Variants in IL1RAPL1 observed in about 807,000 individuals in gnomAD.
IL1RAPL1 encodes the protein interleukin 1 receptor accessory protein like 1, also known as interleukin-1 receptor accessory protein-like 1.
A neutral mutation model predicts 48.4 loss-of-function variants in IL1RAPL1; 3 were observed. The observed-to-expected ratio is 0.06, with a 90% CI of 0.03 to 0.16. The LOEUF (loss-of-function observed/expected upper bound fraction) is 0.16. IL1RAPL1 is among the 10% of genes least tolerant of loss of function. IL1RAPL1 has a pLI of 1.00. For synonymous variants in IL1RAPL1, 185 were observed against 187.7 expected (o/e 0.99, Z 0.12); for missense variants, 349 against 530.6 (o/e 0.66, Z 3.36).
At chrX:29,278,993 T>C (rs557568736) in intron 2 of IL1RAPL1, among the ~76,000 whole-genome samples, 2 of 112,562 alleles carry the variant, frequency 1.8e-5, no homozygotes, top group South Asian at 3.7e-4. Flanking sequence ...GAAACAATAA[T>C]ACAATATAGA....
At chrX:28,887,818 T>A (rs1050846345) in intron 2 of IL1RAPL1, among the ~76,000 whole-genome samples, 19 of 111,297 alleles carry the variant, frequency 1.7e-4, no homozygotes, top group African/African-American at 5.9e-4. Context: ...CATTATCAAA[T>A]GGTGGCCTAC....
chrX:28,639,169 C>A (rs1015385300), intron 1 of IL1RAPL1, among the ~76,000 whole-genome samples: 1 of 111,804 alleles, frequency 8.9e-6, no homozygotes, highest in Non-Finnish European at 1.9e-5. Context: ...AATCTTCTTC[C>A]CATTCTCCCT....
chrX:29,583,671 C>T (rs1017190023), intron 5 of IL1RAPL1, among the ~76,000 whole-genome samples: 1 of 80,040 alleles, frequency 1.2e-5, no homozygotes, highest in Non-Finnish European at 2.4e-5. Flanking sequence ...TCAATGCCAT[C>T]CCCATCAAGC....
At chrX:28,599,006 G>C (rs911313644) in intron 1 of IL1RAPL1, among the ~76,000 whole-genome samples, 1 of 109,415 alleles carries the variant, frequency 9.1e-6, no homozygotes, top group African/African-American at 3.3e-5. Context: ...TTGGGAGGCC[G>C]AGGCAAGGGA....
intron 2 of IL1RAPL1, among the ~76,000 whole-genome samples, chrX:28,930,559 T>A (rs1408529414): frequency 4.4e-5 from 5 of 112,608 alleles, no homozygotes; most frequent in African/African-American, 1.6e-4. Flanking sequence ...TTCTAAAAAA[T>A]TAACTTCTAA....
chrX:28,780,654 A>G (rs977846204), intron 1 of IL1RAPL1, among the ~76,000 whole-genome samples: 1 of 110,555 alleles, frequency 9.0e-6, no homozygotes, highest in African/African-American at 3.3e-5. Context: ...GCATAAATAC[A>G]TACATATTTT....
chrX:29,133,123 T>G (rs2147485683), intron 2 of IL1RAPL1, among the ~76,000 whole-genome samples: 1 of 111,680 alleles, frequency 9.0e-6, no homozygotes, highest in African/African-American at 3.3e-5. Context: ...GCCCAGGTAT[T>G]AGCAACCTCA....
At chrX:29,154,537 CAA>C (rs1172822799) in intron 2 of IL1RAPL1, among the ~76,000 whole-genome samples, 1 of 95,072 alleles carries the variant, frequency 1.1e-5, no homozygotes. Flanking sequence ...GAGACTGTCT[CAA>C]AAAAAAAAAA....
chrX:29,619,126 G>A (rs918822183), intron 5 of IL1RAPL1, among the ~76,000 whole-genome samples: 14 of 111,473 alleles, frequency 1.3e-4, no homozygotes, highest in African/African-American at 4.2e-4. Context: ...AGTGGTCTTC[G>A]TGGAAAAAAT....
At chrX:29,886,799 A>G (rs1191446506) in intron 6 of IL1RAPL1, among the ~76,000 whole-genome samples, 1 of 111,782 alleles carries the variant, frequency 8.9e-6, no homozygotes, top group Non-Finnish European at 1.9e-5. Flanking sequence ...GTTAATTTGA[A>G]AATTATAGTT....
At chrX:29,187,676 A>G (rs1290824701) in intron 2 of IL1RAPL1, among the ~76,000 whole-genome samples, 4 of 111,005 alleles carry the variant, frequency 3.6e-5, no homozygotes, top group African/African-American at 1.3e-4. Flanking sequence ...ACTTAAAAAA[A>G]TGTGAGCAAT....
chrX:29,653,827 G>A (rs1177593883), intron 5 of IL1RAPL1, among the ~76,000 whole-genome samples: 1 of 110,790 alleles, frequency 9.0e-6, no homozygotes, highest in Non-Finnish European at 1.9e-5. Context: ...ACAGAGAAAA[G>A]TAATGATGAT....
Position 29,955,858 on chromosome X carries a change from G to A in IL1RAPL1, c.*38G>A. On this transcript the variant is annotated 3_prime_UTR_variant, in exon 11 of 11. Transcript: ENST00000378993. ...GGACATCCCGTCCCTGGGAGGTTGA[G>A]TGGAATCTGCAGTCCAGTGCCTGGA... The A allele has an allele frequency of 9.3e-7, 1 of 1,073,995 alleles. No individual in the cohort carries two copies. The highest frequency in any genetic ancestry group is 1.3e-6 in the Non-Finnish European group (1 of 771,492). 88.5% of individuals were successfully genotyped at this position (1,073,995 alleles called of 1,213,427 possible).
At position 29,442,129 on chromosome X, in the gene IL1RAPL1, TGGAGGC is replaced by T. The variant is rs1188347349; in HGVS notation, c.703+42822_703+42827del. Among the ~76,000 whole-genome samples, 14 of 112,084 alleles carry T rather than the reference TGGAGGC, an allele frequency of 1.2e-4. No individual in the cohort carries two copies. In the East Asian group the frequency reaches 3.9e-3, roughly 31 times the overall value. On this transcript the variant is annotated intron_variant, in intron 5 of 10. Transcript: ENST00000378993. ...CAAGGCTAAGCAAAAAGAACAAATC[TGGAGGC>T]ATCACACTGCCTGATTTCAAACTAT...
At chrX:28,721,421 G>A (rs1230741282) in intron 1 of IL1RAPL1, among the ~76,000 whole-genome samples, 3 of 111,548 alleles carry the variant, frequency 2.7e-5, no homozygotes, top group South Asian at 3.8e-4. Flanking sequence ...CATATCCTTC[G>A]CCCACTTTTT....
At chrX:28,748,950 C>A (rs887061535) in intron 1 of IL1RAPL1, among the ~76,000 whole-genome samples, 1 of 111,488 alleles carries the variant, frequency 9.0e-6, no homozygotes, top group African/African-American at 3.3e-5. Context: ...TCCCTGCTCT[C>A]TGTTAATCAC....
At chrX:29,290,170 A>C in intron 3 of IL1RAPL1, among the ~76,000 whole-genome samples, 1 of 112,273 alleles carries the variant, frequency 8.9e-6, no homozygotes. Context: ...AGTGTGTAAT[A>C]AATTGCTGCA....
intron 5 of IL1RAPL1, among the ~76,000 whole-genome samples, chrX:29,504,433 T>A (rs1186830107): frequency 8.9e-6 from 1 of 112,002 alleles, no homozygotes; most frequent in Non-Finnish European, 1.9e-5. Flanking sequence ...TATTGAAGTG[T>A]TGAATCCCAT....
intron 6 of IL1RAPL1, among the ~76,000 whole-genome samples, chrX:29,808,699 A>C (rs1356796778): frequency 1.8e-5 from 2 of 111,712 alleles, no homozygotes; most frequent in Non-Finnish European, 3.8e-5. Flanking sequence ...ATATTAATTT[A>C]TACATTTTAA....
Sources: allele counts gnomAD v4.1 joint callset (sites outside exome capture counted in the v4.1 genomes callset), GRCh38; gene constraint gnomAD v4.1.1; transcripts MANE v1.5; gene names NCBI Gene and HGNC (gene_info 2026-07-23, HGNC 2026-07-21).